Variants in ADGRB3 observed in about 807,000 individuals in gnomAD.
ADGRB3 encodes the protein adhesion G protein-coupled receptor B3.
In ADGRB3, 37 loss-of-function variants were observed where a neutral mutation model predicts 193.4. The ratio of observed to expected loss-of-function variants is 0.19; its 90% CI spans 0.15 to 0.25. The LOEUF (loss-of-function observed/expected upper bound fraction) is 0.25, where lower values mean the gene tolerates loss of function less well. ADGRB3 is among the 10% of genes least tolerant of loss of function. The pLI, the probability that ADGRB3 is intolerant of heterozygous loss-of-function variation, is 1.00. For missense variants in ADGRB3, 1,637 were observed against 1,852.9 expected (o/e 0.88, Z 2.14); for synonymous variants, 690 against 644.2 (o/e 1.07, Z -1.08).
At chr6:69,345,712 T>C (rs1769070024) in intron 26 of ADGRB3, among the ~76,000 whole-genome samples, 1 of 152,138 alleles carries the variant, frequency 6.6e-6, no homozygotes, top group South Asian at 2.1e-4. Flanking sequence ...AGATGCCCTC[T>C]CTCACCACTC....
chr6:68,897,786 AG>A (rs1446960186), intron 3 of ADGRB3, among the ~76,000 whole-genome samples: 40 of 147,858 alleles, frequency 2.7e-4, no homozygotes, highest in Non-Finnish European at 4.0e-4. Flanking sequence ...GAAGGAAGGA[AG>A]GGGGAAAGAG....
At chr6:68,819,744 A>C (rs1164118158) in intron 3 of ADGRB3, among the ~76,000 whole-genome samples, 1 of 152,088 alleles carries the variant, frequency 6.6e-6, no homozygotes, top group Non-Finnish European at 1.5e-5. Flanking sequence ...TAAGAAATAG[A>C]TAAAATTGTA....
intron 16 of ADGRB3, among the ~76,000 whole-genome samples, chr6:69,074,007 A>G (rs985667110): frequency 1.3e-5 from 2 of 152,212 alleles, no homozygotes; most frequent in East Asian, 1.9e-4. Context: ...ACCAAAGTCT[A>G]TTATTTAAGA....
At chr6:68,793,247 T>C (rs1767144131) in intron 3 of ADGRB3, among the ~76,000 whole-genome samples, 1 of 152,102 alleles carries the variant, frequency 6.6e-6, no homozygotes, top group African/African-American at 2.4e-5. Context: ...TAAGTTCATA[T>C]CTAGATTTTC....
In ADGRB3 at chr6:68,974,744, C is replaced by T. The variant is rs1475963736; in HGVS notation, c.1526-19C>T. 1 of 1,609,078 alleles carries T rather than the reference C, an allele frequency of 6.2e-7. No individual in the cohort carries two copies. The highest frequency in any genetic ancestry group is 1.3e-5 in the African/African-American group (1 of 74,774). On this transcript the variant is annotated intron_variant, in intron 8 of 31. Coordinates refer to ENST00000370598, the MANE Select transcript of ADGRB3 (RefSeq NM_001704.3). Reference sequence around the variant, plus strand: ...TTTAAACACTACTGACATTCAAGTCCCTTTGTTTAAAATTGCAGCACCTTA... The same window carrying T: ...TTTAAACACTACTGACATTCAAGTCTCTTTGTTTAAAATTGCAGCACCTTA...
chr6:69,049,589 C>T (rs1465520276), intron 15 of ADGRB3, among the ~76,000 whole-genome samples: 1 of 151,952 alleles, frequency 6.6e-6, no homozygotes, highest in Admixed American at 6.6e-5. Context: ...TAATGCCTTG[C>T]CTTGATACTG....
At chr6:68,844,636 A>G (rs749106051) in intron 3 of ADGRB3, among the ~76,000 whole-genome samples, 1 of 152,166 alleles carries the variant, frequency 6.6e-6, no homozygotes, top group South Asian at 2.1e-4. Context: ...ACCCAAAAGT[A>G]ATCAGGATAT....
rs549444659 is a variant in ADGRB3 at position 68,676,369 on chromosome 6, G to A, written c.757+36937G>A. Among the ~76,000 whole-genome samples the A allele has an allele frequency of 3.8e-5, 5 of 131,420 alleles. No homozygotes were observed. The East Asian group carries it at 6.6e-4, about 17-fold the overall frequency. The allele number at this position is 131,420 out of a possible 152,430, so 86.2% of individuals were successfully genotyped here. On this transcript the variant is annotated intron_variant, in intron 3 of 31. Transcript: ENST00000370598. ...TCGCACCACTGCACTCCAGCCTGGC[G>A]ACAGAGAGAGACTCTGTCTCAAAAA...
At chr6:69,088,727 A>G (rs769418270) in intron 17 of ADGRB3, among the ~76,000 whole-genome samples, 2 of 152,308 alleles carry the variant, frequency 1.3e-5, no homozygotes, top group Non-Finnish European at 2.9e-5. Context: ...CTTTTCTTTC[A>G]AGAGAGAAAA....
At chr6:68,776,015 C>T (rs1179227914) in intron 3 of ADGRB3, among the ~76,000 whole-genome samples, 1 of 152,034 alleles carries the variant, frequency 6.6e-6, no homozygotes, top group Non-Finnish European at 1.5e-5. Flanking sequence ...ATTTCAGCAT[C>T]CATTAAGGTG....
intron 17 of ADGRB3, among the ~76,000 whole-genome samples, chr6:69,204,267 A>T (rs1273700742): frequency 6.6e-6 from 1 of 152,066 alleles, no homozygotes; most frequent in African/African-American, 2.4e-5. Context: ...TGGACATTAT[A>T]TTTTTTTATT....
At chr6:68,907,751 TTC>T (rs1241930439) in intron 3 of ADGRB3, among the ~76,000 whole-genome samples, 2 of 151,962 alleles carry the variant, frequency 1.3e-5, no homozygotes, top group Non-Finnish European at 2.9e-5. Flanking sequence ...ACTTAGTATT[TTC>T]AGATAAGTTA....
At chr6:68,903,871 G>C (rs1198074064) in intron 3 of ADGRB3, among the ~76,000 whole-genome samples, 1 of 151,448 alleles carries the variant, frequency 6.6e-6, no homozygotes, top group Non-Finnish European at 1.5e-5. Context: ...GGTGGTGCAT[G>C]CCCATAATCT....
At chr6:68,944,090 G>A (rs1228963203) in intron 6 of ADGRB3, 96 bp downstream of exon 6, 1 of 1,318,628 alleles carries the variant, frequency 7.6e-7, no homozygotes, top group Non-Finnish European at 1.0e-6. Flanking sequence ...CCTTCATTCA[G>A]TCACGTTGGG....
At chr6:69,232,298 G>T in intron 17 of ADGRB3, 8 of 705,776 alleles carry the variant, frequency 1.1e-5, no homozygotes, top group Admixed American at 3.7e-5. Context: ...CTCTCTTCCT[G>T]TAGTGTAGTT....
intron 17 of ADGRB3, among the ~76,000 whole-genome samples, chr6:69,204,518 T>G (rs1301510751): frequency 6.6e-6 from 1 of 152,168 alleles, no homozygotes; most frequent in East Asian, 1.9e-4. Flanking sequence ...GGCATTGGAC[T>G]TAAGATCCAA....
chr6:69,366,517 A>G (rs1474628719), intron 29 of ADGRB3, among the ~76,000 whole-genome samples: 1 of 152,158 alleles, frequency 6.6e-6, no homozygotes, highest in Non-Finnish European at 1.5e-5. Flanking sequence ...TACAAGACTT[A>G]GATGTGGAGA....
At chr6:68,887,774 T>A (rs1308018744) in intron 3 of ADGRB3, among the ~76,000 whole-genome samples, 1 of 152,178 alleles carries the variant, frequency 6.6e-6, no homozygotes, top group East Asian at 1.9e-4. Flanking sequence ...AAGGGAAGTG[T>A]ATACAACAAA....
chr6:68,939,848 G>T (rs1239999066), intron 5 of ADGRB3, among the ~76,000 whole-genome samples: 2 of 152,106 alleles, frequency 1.3e-5, no homozygotes, highest in African/African-American at 4.8e-5. Flanking sequence ...TAACTGATTT[G>T]TCACATTTTG....
Sources: gnomAD v4.1 joint callset for allele counts (sites outside exome capture counted in the v4.1 genomes callset) on GRCh38, gnomAD v4.1.1 for gene constraint, MANE v1.5 for transcripts, NCBI Gene and HGNC (gene_info 2026-07-23, HGNC 2026-07-21) for gene names.